The following BIRC2 variants were observed in gnomAD, a reference collection of about 807,000 sequenced individuals.
BIRC2 encodes baculoviral IAP repeat-containing protein 2.
BIRC2 carries 18 observed loss-of-function variants against 60.9 expected under a neutral mutation model. The ratio of observed to expected loss-of-function variants is 0.30; its 90% CI spans 0.20 to 0.44. The LOEUF (loss-of-function observed/expected upper bound fraction) is 0.44. BIRC2 is among the 20% of genes least tolerant of loss of function. BIRC2 has a pLI of 1.00. For missense variants in BIRC2, 701 were observed against 728.5 expected (o/e 0.96, Z 0.43); for synonymous variants, 282 against 247.7 (o/e 1.14, Z -1.30).
intron 3 of BIRC2, among the ~76,000 whole-genome samples, chr11:102,361,863 T>G (rs1304289925): frequency 2.6e-5 from 4 of 151,834 alleles, no homozygotes; most frequent in African/African-American, 9.7e-5. Flanking sequence ...TTCCCTTTAT[T>G]GCTGTAGGCT....
At chr11:102,348,022 CTG>C (rs1330713557) in intron 1 of BIRC2, among the ~76,000 whole-genome samples, 1 of 152,182 alleles carries the variant, frequency 6.6e-6, no homozygotes, top group Non-Finnish European at 1.5e-5. Flanking sequence ...GCCGGAGCCA[CTG>C]TTTCACAGGC....
At chr11:102,364,172 T>TATATATATATATATATATATAA in intron 5 of BIRC2, among the ~76,000 whole-genome samples, 1 of 89,730 alleles carries the variant, frequency 1.1e-5, no homozygotes, top group South Asian at 3.3e-4. Context: ...TATATATATA[T>TATATATATATATATATATATAA]ATACACACAC....
intron 6 of BIRC2, among the ~76,000 whole-genome samples, chr11:102,368,967 C>T (rs1951587245): frequency 6.6e-6 from 1 of 151,528 alleles, no homozygotes; most frequent in African/African-American, 2.4e-5. Flanking sequence ...ACTCCCTAAT[C>T]CTTGCTAAGT....
At chr11:102,348,231 A>G (rs1043277399) in intron 1 of BIRC2, 4 of 152,382 alleles carry the variant, frequency 2.6e-5, no homozygotes, top group African/African-American at 4.8e-5. Flanking sequence ...GACAGGGTGT[A>G]GTGGAGTGTC....
intron 5 of BIRC2, 119 bp from the exon 6 acceptor site, chr11:102,368,187 T>C: frequency 8.6e-7 from 1 of 1,168,822 alleles, no homozygotes; most frequent in Non-Finnish European, 1.2e-6. Context: ...TCGATGCATA[T>C]AGCTCATCTC....
intron 5 of BIRC2, among the ~76,000 whole-genome samples, chr11:102,367,167 T>C (rs1270959734): frequency 6.6e-6 from 1 of 152,258 alleles, no homozygotes; most frequent in Non-Finnish European, 1.5e-5. Context: ...GTTTCTAACT[T>C]CTAATACCCA....
intron 6 of BIRC2, among the ~76,000 whole-genome samples, chr11:102,374,185 A>T (rs1053309842): frequency 3.6e-4 from 54 of 151,386 alleles, no homozygotes; most frequent in Admixed American, 3.0e-3. Flanking sequence ...GTCATTCTCC[A>T]TCCAGCTTTG....
chr11:102,359,389 C>T (rs557320043), intron 3 of BIRC2, among the ~76,000 whole-genome samples: 1 of 152,230 alleles, frequency 6.6e-6, no homozygotes, highest in Admixed American at 6.5e-5. Flanking sequence ...ATGACCATTA[C>T]AAATTTAGTA....
chr11:102,374,426 C>A (rs879890638), intron 6 of BIRC2, among the ~76,000 whole-genome samples: 2 of 147,586 alleles, frequency 1.4e-5, no homozygotes, highest in Non-Finnish European at 3.0e-5. Context: ...AATACCCTGC[C>A]GTGTGAGGTG....
intron 6 of BIRC2, among the ~76,000 whole-genome samples, chr11:102,370,645 G>A (rs1951620049): frequency 9.1e-6 from 1 of 109,864 alleles, no homozygotes; most frequent in Non-Finnish European, 1.8e-5. Flanking sequence ...ACTTGGCAAT[G>A]CGGGCTCTTT....
At chr11:102,373,706 C>T (rs986450809) in intron 6 of BIRC2, among the ~76,000 whole-genome samples, 11 of 150,476 alleles carry the variant, frequency 7.3e-5, no homozygotes, top group Admixed American at 4.0e-4. Flanking sequence ...TGAATCTGAA[C>T]GTTGGCCTGC....
chr11:102,364,174 T>TATATATATACAC (rs1389968594), intron 5 of BIRC2, among the ~76,000 whole-genome samples: 76 of 78,054 alleles, frequency 9.7e-4, no homozygotes, highest in East Asian at 3.7e-3. Flanking sequence ...TATATATATA[T>TATATATATACAC]ACACACACAC....
chr11:102,361,660 G>A (rs113016142), intron 3 of BIRC2, among the ~76,000 whole-genome samples: 86 of 152,142 alleles, frequency 5.7e-4, no homozygotes, highest in African/African-American at 2.0e-3. Context: ...TATCTTGAGG[G>A]TTATTGGAGG....
intron 4 of BIRC2, 135 bp downstream of exon 4, chr11:102,363,109 C>T (rs1951504458): frequency 3.4e-6 from 2 of 587,186 alleles, no homozygotes; most frequent in Admixed American, 3.0e-5. Context: ...TTTGTACCAA[C>T]CTATATTAGA....
Position 102,378,281 on chromosome 11 carries a change from C to A in BIRC2, c.*98C>A. ...AGTAAAAAGGGAATTATGAGTTTTT[C>A]AATTAGTAACATTCATGTTCTAGTC... On this transcript the variant is annotated 3_prime_UTR_variant, in exon 9 of 9. Transcript: ENST00000227758. The A allele has an allele frequency of 1.1e-6, 1 of 920,932 alleles. No individual in the cohort carries two copies. 57.0% of individuals were successfully genotyped at this position (920,932 alleles called of 1,614,324 possible).
chr11:102,360,530 A>G (rs551622839), intron 3 of BIRC2, among the ~76,000 whole-genome samples: 3 of 150,844 alleles, frequency 2.0e-5, no homozygotes, highest in East Asian at 2.0e-4. Context: ...ATTTGTTTGT[A>G]TATATTTTTT....
chr11:102,354,720 G>C (rs1051495924), intron 3 of BIRC2, among the ~76,000 whole-genome samples: 3 of 152,152 alleles, frequency 2.0e-5, no homozygotes, highest in Admixed American at 6.5e-5. Context: ...ATGGTCAAGG[G>C]TTCCCTTTTC....
At chr11:102,365,362 C>G (rs1951541596) in intron 5 of BIRC2, among the ~76,000 whole-genome samples, 1 of 152,124 alleles carries the variant, frequency 6.6e-6, no homozygotes, top group African/African-American at 2.4e-5. Flanking sequence ...ATGAATGTCC[C>G]CATTCAGCTA....
Position 102,350,883 on chromosome 11 carries a change from G to A in BIRC2, c.935G>A (p.Gly312Asp). ...DDVKCFCCDG[G>D]LRCWESGDDP... Reference sequence around the variant, plus strand: ...GTCAAATGCTTTTGTTGTGATGGTGGCTTGAGGTGTTGGGAATCTGGAGAT... The same window carrying A: ...GTCAAATGCTTTTGTTGTGATGGTGACTTGAGGTGTTGGGAATCTGGAGAT... The change falls in exon 3 of 9, where the codon GGC (glycine) becomes GAC (aspartate). Residue 312 changes from glycine (G) to aspartate (D), a missense_variant. Physicochemically the swap from Gly to Asp is moderately conservative, Grantham distance 94. Transcript: ENST00000227758. The A allele has an allele frequency of 6.2e-7, 1 of 1,614,106 alleles. No individual in the cohort carries two copies. The highest frequency in any genetic ancestry group is 1.3e-5 in the African/African-American group (1 of 75,046).
Sources: allele counts gnomAD v4.1 joint callset (sites outside exome capture counted in the v4.1 genomes callset), GRCh38; gene constraint gnomAD v4.1.1; transcripts MANE v1.5; gene names NCBI Gene and HGNC (gene_info 2026-07-23, HGNC 2026-07-21).